The following SLC35G4 variants were observed in gnomAD, a reference collection of about 807,000 sequenced individuals.
SLC35G4 encodes the protein solute carrier family 35 member G4.
In SLC35G4, 12 loss-of-function variants were observed where a neutral mutation model predicts 15.8. The observed-to-expected ratio is 0.76, with a 90% CI of 0.49 to 1.23. The LOEUF (loss-of-function observed/expected upper bound fraction) is 1.23. SLC35G4 is among the 50% of genes most tolerant of loss of function. The pLI is 0.00. For missense variants in SLC35G4, 390 were observed against 422.1 expected (o/e 0.92, Z 0.67); for synonymous variants, 177 against 186.5 (o/e 0.95, Z 0.41).
At position 11,609,965 on chromosome 18, in the gene SLC35G4, GTGGTGCCCAC is replaced by G. The variant is rs755924108; in HGVS notation, c.374_383del (p.Val125AlafsTer40). The G allele has an allele frequency of 3.1e-6, 5 of 1,613,908 alleles. No individual in the cohort carries two copies. The African/African-American group carries it at 5.3e-5, about 17-fold the overall frequency. On this transcript the variant is annotated frameshift_variant, in exon 1 of 1. Transcript: ENST00000588001. LOFTEE classifies it high-confidence loss of function. ...TGGATGTGCCTATAGTGCGGTTCAGGTGGTGCCCACTGGCAATGCTGCCACTGTTCGCAAA... is the reference window on the plus strand; with the variant it reads ...TGGATGTGCCTATAGTGCGGTTCAGGTGGCAATGCTGCCACTGTTCGCAAA...
chr18:11,609,795 T>C lies in SLC35G4; in HGVS notation c.200T>C (p.Leu67Pro), dbSNP rs1438191833. The C allele has an allele frequency of 6.2e-7, 1 of 1,613,816 alleles. No homozygotes were observed. Among genetic ancestry groups the C allele is most frequent in the South Asian group, 1.1e-5 (1 of 91,062 alleles). ...LSRMAYQASN[L>P]PSLELVICRC... ...CGTATGGCTTACCAGGCTTCCAACC[T>C]GCCCTCGCTGGAGCTGGTCATCTGT... is the stretch of plus-strand genomic sequence containing the variant. The change falls in exon 1 of 1, where the codon CTG becomes CCG. Residue 67 changes from leucine to proline, a missense_variant. Leu to Pro is a moderately conservative substitution (Grantham distance 98, BLOSUM62 -3). Coordinates refer to ENST00000588001, the MANE Select transcript of SLC35G4 (RefSeq NM_001282300.2).
rs2029995558 is a variant in SLC35G4, at chr18:11,610,495, G to T, written c.900G>T (p.Met300Ile). Residue 300 changes from methionine (M) to isoleucine (I), a missense_variant, in exon 1 of 1, where the codon ATG becomes ATT. Met to Ile is a conservative substitution (Grantham distance 10). Around this residue, in one of 2 missense-constraint regions of SLC35G4, gnomAD observed 59 missense variants for 181.0 expected, o/e 0.33. Transcript: ENST00000588001. ...TGGCCCTTATACTGCAGTATTTTAT[G>T]CTCCATGAGACTGTGGCACCTTCTG... ...VVMALILQYF[M>I]LHETVAPSDI... 1 of 1,496,392 alleles carries T rather than the reference G, an allele frequency of 6.7e-7. No homozygotes were observed. The highest frequency in any genetic ancestry group is 1.7e-5 in the African/African-American group (1 of 59,830). 92.7% of individuals were successfully genotyped at this position (1,496,392 alleles called of 1,614,324 possible).
chr18:11,609,711 G>A lies in SLC35G4; in HGVS notation c.116G>A (p.Gly39Asp), dbSNP rs767063675. The change falls in exon 1 of 1, where the codon GGC becomes GAC. Residue 39 changes from glycine (G) to aspartate (D), a missense_variant. This residue lies in a region of SLC35G4 where 331 missense variants were observed against 241.1 expected (regional missense o/e 1.37). Transcript: ENST00000588001. ...TGCCAGCCCTCTGATGCCACCAATG[G>A]CCTGCTGGTGGCCCTGCTGGGTGGG... ...QRCQPSDATN[G>D]LLVALLGGGL... is the part of the protein sequence containing the mutation. 6.7e-5 allele frequency: 108 copies of A among 1,613,796 alleles called. No homozygotes were observed. Among genetic ancestry groups the A allele is most frequent in the Non-Finnish European group, 9.0e-5 (106 of 1,179,996 alleles).
Position 11,610,226 on chromosome 18 carries a change from C to A in SLC35G4, c.631C>A (p.Arg211Ser), listed in dbSNP as rs755154762. ...LALSLGLLVYRSLHFPSCLPT... is the reference protein window; with the variant it reads ...LALSLGLLVYSSLHFPSCLPT... ...GCTGTCCCTGGGGCTTCTCGTCTATCGTTCTCTGCACTTTCCCTCCTGCCT... is the reference window on the plus strand; with the variant it reads ...GCTGTCCCTGGGGCTTCTCGTCTATAGTTCTCTGCACTTTCCCTCCTGCCT... The change falls in exon 1 of 1, where the codon CGT becomes AGT. Residue 211 changes from arginine (R) to serine (S), a missense_variant. Arg to Ser is a moderately radical substitution (Grantham distance 110). Coordinates refer to ENST00000588001, the MANE Select transcript of SLC35G4 (RefSeq NM_001282300.2). 2 of 1,609,204 alleles carry A rather than the reference C, an allele frequency of 1.2e-6. No individual in the cohort carries two copies. Among genetic ancestry groups the A allele is most frequent in the East Asian group, 4.5e-5 (2 of 44,822 alleles).
In SLC35G4 at chr18:11,610,530, G is replaced by A. The variant is rs1186631327; in HGVS notation, c.935G>A (p.Gly312Glu). 5.8e-6 allele frequency: 9 copies of A among 1,550,382 alleles called. No individual in the cohort carries two copies. Among genetic ancestry groups the A allele is most frequent in the Non-Finnish European group, 7.0e-6 (8 of 1,145,828 alleles). ...HETVAPSDIM[G>E]AGVVLGSIAI... ...ACTGTGGCACCTTCTGACATCATGG[G>A]GGCAGGGGTTGTGCTGGGCAGCATT... is the stretch of plus-strand genomic sequence containing the variant. Residue 312 changes from glycine (G) to glutamate (E), a missense_variant, in exon 1 of 1, where the codon GGG becomes GAG. Transcript: ENST00000588001.
rs1434786949 is a variant in SLC35G4 at position 11,610,118 on chromosome 18, C to T, written c.523C>T (p.Pro175Ser). ...CCTAGGACTAATAATCATTGTGGGA[C>T]CTGGACTCTGGACACTACAGGAGGG... ...SILGLIIIVG[P>S]GLWTLQEGTT... The change falls in exon 1 of 1, where the codon CCT (proline) becomes TCT (serine). Residue 175 changes from proline to serine, a missense_variant. Pro to Ser is a moderately conservative substitution (Grantham distance 74). Transcript: ENST00000588001. 2.5e-6 allele frequency: 4 copies of T among 1,613,352 alleles called. No individual in the cohort carries two copies. Among genetic ancestry groups the T allele is most frequent in the African/African-American group, 2.7e-5 (2 of 74,874 alleles).
In SLC35G4 at chr18:11,610,128, G is replaced by A. The variant is rs1196101646; in HGVS notation, c.533G>A (p.Trp178Ter). 1 of 1,612,798 alleles carries A rather than the reference G, an allele frequency of 6.2e-7. No individual in the cohort carries two copies. Among genetic ancestry groups the A allele is most frequent in the South Asian group, 1.1e-5 (1 of 91,014 alleles). Residue 178 changes from tryptophan (W) to a stop codon, truncating the protein, a stop_gained, in exon 1 of 1, where the codon TGG becomes TAG. Coordinates refer to ENST00000588001, the MANE Select transcript of SLC35G4 (RefSeq NM_001282300.2). LOFTEE classifies it high-confidence loss of function. Reference protein sequence around the residue: ...GLIIIVGPGLWTLQEGTTGVY... With the variant: ...GLIIIVGPGL ...ATAATCATTGTGGGACCTGGACTCT[G>A]GACACTACAGGAGGGGACCACGGGT...
rs765832000 is a variant in SLC35G4 at position 11,609,821 on chromosome 18, C to T, written c.226C>T (p.Arg76Ter). ...GCCCTCGCTGGAGCTGGTCATCTGT[C>T]GATGCCTCTTCCACCTCCCTATTGC... ...NLPSLELVIC[R>*]CLFHLPIALL... Residue 76 changes from arginine to a stop codon, truncating the protein, a stop_gained, in exon 1 of 1, where the codon CGA becomes TGA. Transcript: ENST00000588001. LOFTEE classifies it high-confidence loss of function. 4.0e-5 allele frequency: 64 copies of T among 1,613,576 alleles called. 1 individual carries two copies. In the South Asian group the frequency reaches 4.3e-4, roughly 11 times the overall value.
In SLC35G4 at chr18:11,609,917, G is replaced by T; in HGVS notation, c.322G>T (p.Ala108Ser). 6.2e-7 allele frequency: 1 copy of T among 1,613,916 alleles called. No homozygotes were observed. Among genetic ancestry groups the T allele is most frequent in the Non-Finnish European group, 8.5e-7 (1 of 1,179,866 alleles). The change falls in exon 1 of 1, where the codon GCC (alanine) becomes TCC (serine). Residue 108 changes from alanine (A) to serine (S), a missense_variant. Around this residue, in one of 2 missense-constraint regions of SLC35G4, gnomAD observed 331 missense variants for 241.1 expected, o/e 1.37. Transcript: ENST00000588001. ...CATCCGAGGCCGCACCTGCTTCTGTGCCCTGCTCAACGTCCTCAACATTGG... is the reference window on the plus strand; with the variant it reads ...CATCCGAGGCCGCACCTGCTTCTGTTCCCTGCTCAACGTCCTCAACATTGG... ...PDIRGRTCFC[A>S]LLNVLNIGCA...
In SLC35G4 at chr18:11,609,794, C is replaced by T. The variant is rs1397326575; in HGVS notation, c.199C>T (p.Leu67=). Reference sequence around the variant, plus strand: ...TCGTATGGCTTACCAGGCTTCCAACCTGCCCTCGCTGGAGCTGGTCATCTG... The same window carrying T: ...TCGTATGGCTTACCAGGCTTCCAACTTGCCCTCGCTGGAGCTGGTCATCTG... The part of the protein sequence containing the change: ...LSRMAYQASN[L]PSLELVICRC... Residue 67 remains leucine, a synonymous_variant, in exon 1 of 1, where the codon CTG becomes TTG. Coordinates refer to ENST00000588001, the MANE Select transcript of SLC35G4 (RefSeq NM_001282300.2). The T allele has an allele frequency of 2.0e-5, 33 of 1,613,828 alleles. No homozygotes were observed. Among genetic ancestry groups the T allele is most frequent in the Non-Finnish European group, 2.7e-5 (32 of 1,179,804 alleles).
rs542783634 is a variant in SLC35G4 at position 11,610,276 on chromosome 18, C to G, written c.681C>G (p.Gly227=). 6.2e-7 allele frequency: 1 copy of G among 1,606,098 alleles called. No homozygotes were observed. Among genetic ancestry groups the G allele is most frequent in the East Asian group, 2.2e-5 (1 of 44,850 alleles). ...SCLPTVAFLS[G]LVGLLGSVPG... ...TCCCAACAGTGGCCTTCCTATCTGG[C>G]TTGGTGGGGCTGCTGGGCTCTGTGC... Residue 227 remains glycine, a synonymous_variant, in exon 1 of 1, where the codon GGC becomes GGG. Coordinates refer to ENST00000588001, the MANE Select transcript of SLC35G4 (RefSeq NM_001282300.2).
rs746876841 is a variant in SLC35G4, at chr18:11,610,186, C to T, written c.591C>T (p.Phe197=). Residue 197 remains phenylalanine (F), a synonymous_variant, in exon 1 of 1, where the codon TTC becomes TTT. Transcript: ENST00000588001. ...CCGGCCTGGGCTATGTGCAGGCTTTCCTGGGAGGACTGGCGCTGTCCCTGG... is the reference window on the plus strand; with the variant it reads ...CCGGCCTGGGCTATGTGCAGGCTTTTCTGGGAGGACTGGCGCTGTCCCTGG... ...VYTGLGYVQA[F]LGGLALSLGL... The T allele has an allele frequency of 2.5e-6, 4 of 1,611,268 alleles. No homozygotes were observed. The highest frequency in any genetic ancestry group is 1.7e-5 in the Admixed American group (1 of 59,972).
chr18:11,609,824 T>C lies in SLC35G4; in HGVS notation c.229T>C (p.Cys77Arg), dbSNP rs764249591. The C allele has an allele frequency of 5.6e-6, 9 of 1,613,712 alleles. No homozygotes were observed. Among genetic ancestry groups the C allele is most frequent in the Non-Finnish European group, 5.9e-6 (7 of 1,179,788 alleles). Residue 77 changes from cysteine (C) to arginine (R), a missense_variant, in exon 1 of 1, where the codon TGC becomes CGC. This residue lies in a region of SLC35G4 where 331 missense variants were observed against 241.1 expected (regional missense o/e 1.37). Transcript: ENST00000588001. ...CTCGCTGGAGCTGGTCATCTGTCGA[T>C]GCCTCTTCCACCTCCCTATTGCCCT... ...LPSLELVICR[C>R]LFHLPIALLL...
At position 11,610,066 on chromosome 18, in the gene SLC35G4, C is replaced by T. The variant is rs574851637; in HGVS notation, c.471C>T (p.Tyr157=). ...LCLESQVLSG[Y]DWCGLLGSIL... is the part of the protein sequence containing the mutation. Reference sequence around the variant, plus strand: ...TTGAGAGCCAGGTTCTCAGTGGCTACGACTGGTGTGGACTGTTGGGCAGCA... The same window carrying T: ...TTGAGAGCCAGGTTCTCAGTGGCTATGACTGGTGTGGACTGTTGGGCAGCA... The change falls in exon 1 of 1, where the codon TAC becomes TAT. Residue 157 remains tyrosine, a synonymous_variant. Coordinates refer to ENST00000588001, the MANE Select transcript of SLC35G4 (RefSeq NM_001282300.2). 3.4e-5 allele frequency: 55 copies of T among 1,613,856 alleles called. 1 individual carries two copies. Among genetic ancestry groups the T allele is most frequent in the African/African-American group, 1.9e-4 (14 of 74,932 alleles).
At position 11,609,793 on chromosome 18, in the gene SLC35G4, C is replaced by A. The variant is rs201368799; in HGVS notation, c.198C>A (p.Asn66Lys). The A allele has an allele frequency of 8.6e-4, 1,385 of 1,613,784 alleles. 13 individuals are homozygous for A. In the African/African-American group the frequency reaches 0.016, roughly 18 times the overall value. ...CTCGTATGGCTTACCAGGCTTCCAACCTGCCCTCGCTGGAGCTGGTCATCT... is the reference window on the plus strand; with the variant it reads ...CTCGTATGGCTTACCAGGCTTCCAAACTGCCCTCGCTGGAGCTGGTCATCT... ...PLSRMAYQASNLPSLELVICR... is the reference protein window; with the variant it reads ...PLSRMAYQASKLPSLELVICR... The change falls in exon 1 of 1, where the codon AAC (asparagine) becomes AAA (lysine). Residue 66 changes from asparagine (N) to lysine (K), a missense_variant. This residue lies in a region of SLC35G4 where 331 missense variants were observed against 241.1 expected (regional missense o/e 1.37). Transcript: ENST00000588001.
chr18:11,609,796 G>A lies in SLC35G4; in HGVS notation c.201G>A (p.Leu67=), dbSNP rs747723503. 9 of 1,613,698 alleles carry A rather than the reference G, an allele frequency of 5.6e-6. No homozygotes were observed. Among genetic ancestry groups the A allele is most frequent in the Non-Finnish European group, 7.6e-6 (9 of 1,179,798 alleles). Residue 67 remains leucine (L), a synonymous_variant, in exon 1 of 1, where the codon CTG becomes CTA. Coordinates refer to ENST00000588001, the MANE Select transcript of SLC35G4 (RefSeq NM_001282300.2). ...GTATGGCTTACCAGGCTTCCAACCTGCCCTCGCTGGAGCTGGTCATCTGTC... is the reference window on the plus strand; with the variant it reads ...GTATGGCTTACCAGGCTTCCAACCTACCCTCGCTGGAGCTGGTCATCTGTC... The part of the protein sequence containing the change: ...LSRMAYQASN[L]PSLELVICRC...
In SLC35G4 at chr18:11,610,151, G is replaced by A. The variant is rs764341198; in HGVS notation, c.556G>A (p.Gly186Ser). ...CTGGACACTACAGGAGGGGACCACG[G>A]GTGTCTACACCGGCCTGGGCTATGT... is the stretch of plus-strand genomic sequence containing the variant. ...GLWTLQEGTT[G>S]VYTGLGYVQA... is the part of the protein sequence containing the mutation. The change falls in exon 1 of 1, where the codon GGT (glycine) becomes AGT (serine). Residue 186 changes from glycine (G) to serine (S), a missense_variant. Physicochemically the swap from Gly to Ser is moderately conservative, Grantham distance 56 (BLOSUM62 0). This residue lies in a region of SLC35G4 where 331 missense variants were observed against 241.1 expected (regional missense o/e 1.37). Transcript: ENST00000588001. 6.2e-7 allele frequency: 1 copy of A among 1,612,212 alleles called. No homozygotes were observed. The highest frequency in any genetic ancestry group is 1.3e-5 in the African/African-American group (1 of 74,726).
At position 11,609,756 on chromosome 18, in the gene SLC35G4, T is replaced by G. The variant is rs1377650062; in HGVS notation, c.161T>G (p.Val54Gly). The G allele has an allele frequency of 6.2e-7, 1 of 1,613,796 alleles. No homozygotes were observed. ...LLGGGLPAGF[V>G]GPLSRMAYQA... is the part of the protein sequence containing the mutation. Reference sequence around the variant, plus strand: ...GGTGGGGGCCTGCCTGCTGGCTTCGTGGGCCCCCTTTCTCGTATGGCTTAC... The same window carrying G: ...GGTGGGGGCCTGCCTGCTGGCTTCGGGGGCCCCCTTTCTCGTATGGCTTAC... The change falls in exon 1 of 1, where the codon GTG (valine) becomes GGG (glycine). Residue 54 changes from valine to glycine, a missense_variant. By Grantham distance (109) the Val-to-Gly change is moderately radical (BLOSUM62 -3). Transcript: ENST00000588001.
chr18:11,609,937 C>T lies in SLC35G4; in HGVS notation c.342C>T (p.Asn114=), dbSNP rs578054036. ...TCFCALLNVL[N]IGCAYSAVQV... is the part of the protein sequence containing the mutation. ...TCTGTGCCCTGCTCAACGTCCTCAA[C>T]ATTGGATGTGCCTATAGTGCGGTTC... The change falls in exon 1 of 1, where the codon AAC becomes AAT. Residue 114 remains asparagine (N), a synonymous_variant. Transcript: ENST00000588001. 9.9e-6 allele frequency: 16 copies of T among 1,614,026 alleles called. No individual in the cohort carries two copies. Among genetic ancestry groups the T allele is most frequent in the South Asian group, 9.9e-5 (9 of 91,078 alleles).
Sources: gnomAD v4.1 joint callset for allele counts on GRCh38, gnomAD v4.1.1 for gene constraint, gnomAD v4.1.1 regional missense constraint, MANE v1.5 for transcripts, NCBI Gene and HGNC (gene_info 2026-07-23, HGNC 2026-07-21) for gene names.